The following DNM1 variants were observed in gnomAD, a reference collection of about 807,000 sequenced individuals.
DNM1 encodes dynamin 1, also known as dynamin-1.
In DNM1, 29 loss-of-function variants were observed where a neutral mutation model predicts 104.6. The observed-to-expected ratio is 0.28, with a 90% CI of 0.21 to 0.38. The LOEUF (loss-of-function observed/expected upper bound fraction) is 0.38, where lower values mean the gene tolerates loss of function less well. Among genes scored for constraint, DNM1 ranks in the 10% least tolerant of loss-of-function variants. The pLI is 1.00. For missense variants in DNM1, 640 were observed against 1,189.4 expected, an observed-to-expected ratio of 0.54 and a Z score of 6.79; for synonymous variants, 445 against 475.8, an observed-to-expected ratio of 0.94 and a Z score of 0.84.
rs183243253 is a variant in DNM1, at chr9:128,238,645, G to C, written c.1423-800G>C. ...ATCATGTTCTTGACTATTTTGATTT[G>C]TGATTTTCTTTTTTTTTTTTTTTCT... On this transcript the variant is annotated intron_variant, in intron 11 of 21. Transcript: ENST00000372923. Among the ~76,000 whole-genome samples, 438 of 149,780 alleles carry C rather than the reference G, an allele frequency of 2.9e-3. 2 individuals carry two copies. The highest frequency in any genetic ancestry group is 0.01 in the African/African-American group (422 of 40,566).
chr9:128,226,686 T>C (rs1462403649), intron 10 of DNM1, among the ~76,000 whole-genome samples: 1 of 152,196 alleles, frequency 6.6e-6, no homozygotes, highest in Non-Finnish European at 1.5e-5. Context: ...CCTGAAAGCA[T>C]ATTGGATTAC....
At chr9:128,213,701 G>T (rs368473163) in intron 1 of DNM1, among the ~76,000 whole-genome samples, 13 of 152,110 alleles carry the variant, frequency 8.5e-5, no homozygotes, top group Non-Finnish European at 1.2e-4. Flanking sequence ...CAATGAAGCC[G>T]ATGGTAGAGC....
intron 21 of DNM1, chr9:128,252,973 C>T (rs975001360): frequency 2.5e-5 from 21 of 841,614 alleles, no homozygotes; most frequent in Non-Finnish European, 3.8e-5. Context: ...TTAGCGTGTG[C>T]ATGTGGGCCA....
chr9:128,214,615 G>A (rs932601758), intron 1 of DNM1, among the ~76,000 whole-genome samples: 8 of 152,176 alleles, frequency 5.3e-5, no homozygotes, highest in South Asian at 2.1e-4. Flanking sequence ...CCCCTCTCAC[G>A]GTGACAACTC....
intron 14 of DNM1, among the ~76,000 whole-genome samples, chr9:128,241,909 C>T (rs1284155614): frequency 6.6e-6 from 1 of 152,212 alleles, no homozygotes; most frequent in Non-Finnish European, 1.5e-5. Context: ...TCGCAGTTGG[C>T]TTCCCCAATC....
Position 128,240,388 on chromosome 9 carries a change from A to G in DNM1, c.1557+392A>G. ...GAATGAGAAGTCAAGAGAAGTCAAG[A>G]AGTCACTGCTCACCTGGCCTCCTGC... is the stretch of plus-strand genomic sequence containing the variant. On this transcript the variant is annotated intron_variant, in intron 14 of 21. Transcript: ENST00000372923. The surrounding 1 kb of genome is among the most constrained non-coding windows in gnomAD (Gnocchi z 5.1). The G allele has an allele frequency of 4.2e-6, 1 of 235,908 alleles. No individual in the cohort carries two copies. Among genetic ancestry groups the G allele is most frequent in the South Asian group, 5.7e-5 (1 of 17,640 alleles). 14.6% of individuals were successfully genotyped at this position (235,908 alleles called of 1,614,324 possible).
chr9:128,227,979 G>T (rs1461187654), intron 10 of DNM1, among the ~76,000 whole-genome samples: 1 of 152,076 alleles, frequency 6.6e-6, no homozygotes, highest in Non-Finnish European at 1.5e-5. Context: ...CTCCCAAGTA[G>T]TGGGACTTCA....
chr9:128,240,338 C>T lies in DNM1; in HGVS notation c.1557+342C>T, dbSNP rs1261597918. On this transcript the variant is annotated intron_variant, in intron 14 of 21. Coordinates refer to ENST00000372923, the MANE Select transcript of DNM1 (RefSeq NM_004408.4). This position sits in a 1 kb window ranked among gnomAD's most constrained non-coding sequence, Gnocchi z 5.1. ...ACATTTTTAAGAAGCTGACAGCCAT[C>T]GCCTCCGGACTTGAATGAAGAGACG... The T allele has an allele frequency of 3.1e-6, 1 of 318,094 alleles. No homozygotes were observed. Among genetic ancestry groups the T allele is most frequent in the Non-Finnish European group, 5.9e-6 (1 of 169,044 alleles). 19.7% of individuals were successfully genotyped at this position (318,094 alleles called of 1,614,324 possible).
chr9:128,208,476 C>T (rs979771000), intron 1 of DNM1, among the ~76,000 whole-genome samples: 4 of 152,204 alleles, frequency 2.6e-5, no homozygotes, highest in African/African-American at 9.7e-5. Flanking sequence ...CACTATTAAG[C>T]TCTGTCTCTT....
rs534946634 is a variant in DNM1 at position 128,208,567 on chromosome 9, A to G, written c.161+4936A>G. On this transcript the variant is annotated intron_variant, in intron 1 of 21. Transcript: ENST00000372923. Reference sequence around the variant, plus strand: ...GAGGCCAAAGTCTATTAGGGGATAAATGAGACATCCTAGGCAGAGTATCGA... The same window carrying G: ...GAGGCCAAAGTCTATTAGGGGATAAGTGAGACATCCTAGGCAGAGTATCGA... 2.6e-5 allele frequency among the ~76,000 whole-genome samples: 4 copies of G among 152,296 alleles called. No individual in the cohort carries two copies. The East Asian group carries it at 7.7e-4, about 29-fold the overall frequency.
At chr9:128,227,761 G>A (rs895417808) in intron 10 of DNM1, among the ~76,000 whole-genome samples, 3 of 152,274 alleles carry the variant, frequency 2.0e-5, no homozygotes, top group Admixed American at 6.5e-5. Flanking sequence ...TCCTCTTGAC[G>A]GACATTTAAG....
rs948750402 is a variant in DNM1, at chr9:128,248,442, G to A, written c.1906-141G>A. The A allele has an allele frequency of 4.0e-5, 36 of 911,092 alleles. No individual in the cohort carries two copies. Among genetic ancestry groups the A allele is most frequent in the Non-Finnish European group, 5.8e-5 (36 of 617,148 alleles). 56.4% of individuals were successfully genotyped at this position (911,092 alleles called of 1,614,324 possible). A position where few individuals can be genotyped will look rare whatever the true frequency, so the allele number is the denominator to read the frequency against. On this transcript the variant is annotated intron_variant, in intron 18 of 21. Coordinates refer to ENST00000372923, the MANE Select transcript of DNM1 (RefSeq NM_004408.4). This position sits in a 1 kb window ranked among gnomAD's most constrained non-coding sequence, Gnocchi z 5.6. ...GGGTCCTGAGAGGCACAGGGATGCG[G>A]AGCCAGGTATGTATTCAGGCCAGTC...
rs1342050462 is a variant in DNM1 at position 128,222,906 on chromosome 9, G to A, written c.1196+46G>A. 1 of 1,583,860 alleles carries A rather than the reference G, an allele frequency of 6.3e-7. No homozygotes were observed. Among genetic ancestry groups the A allele is most frequent in the Non-Finnish European group, 8.7e-7 (1 of 1,153,964 alleles). On this transcript the variant is annotated intron_variant, in intron 9 of 21. Coordinates refer to ENST00000372923, the MANE Select transcript of DNM1 (RefSeq NM_004408.4). This position sits in a 1 kb window ranked among gnomAD's most constrained non-coding sequence, Gnocchi z 7.8. ...GGGTGGCTGAACCCCAGAAGTAGGGGGTCTGGGACAGAGGCACAGGGAGTG... is the reference window on the plus strand; with the variant it reads ...GGGTGGCTGAACCCCAGAAGTAGGGAGTCTGGGACAGAGGCACAGGGAGTG...
chr9:128,213,460 T>C (rs149218233), intron 1 of DNM1, among the ~76,000 whole-genome samples: 2 of 72,360 alleles, frequency 2.8e-5, no homozygotes, highest in African/African-American at 1.1e-4. Flanking sequence ...CTTTTGAAAA[T>C]ACAAAGTCAT....
chr9:128,250,133 T>G lies in DNM1; in HGVS notation c.2095T>G (p.Ser699Ala), dbSNP rs1206547469. The G allele has an allele frequency of 1.2e-6, 2 of 1,614,130 alleles. No individual in the cohort carries two copies. Among genetic ancestry groups the G allele is most frequent in the Admixed American group, 3.3e-5 (2 of 60,028 alleles). The stretch of plus-strand genomic sequence containing the variant: ...CTCGCAGACCAAGGAGTTCATCTTC[T>G]CGGAGCTGCTGGCCAACCTGTACTC... ...MINNTKEFIF[S>A]ELLANLYSCG... The change falls in exon 20 of 22, where the codon TCG becomes GCG. Residue 699 changes from serine (S) to alanine (A), a missense_variant. Ser to Ala is a moderately conservative substitution (Grantham distance 99, BLOSUM62 1). Transcript: ENST00000372923.
rs780574379 is a variant in DNM1, at chr9:128,239,822, C to T, written c.1545+43C>T. 3.6e-5 allele frequency: 58 copies of T among 1,593,740 alleles called. 1 individual carries two copies. The highest frequency in any genetic ancestry group is 1.9e-4 in the South Asian group (17 of 90,228). On this transcript the variant is annotated intron_variant, in intron 13 of 21. Coordinates refer to ENST00000372923, the MANE Select transcript of DNM1 (RefSeq NM_004408.4). ...CCCCAGCCCGAGGGATGGAGGGTGC[C>T]GGACGGACACCAGACTCTGAGAGCC...
At chr9:128,238,924 G>A (rs1220205726) in intron 11 of DNM1, among the ~76,000 whole-genome samples, 2 of 151,974 alleles carry the variant, frequency 1.3e-5, no homozygotes, top group Non-Finnish European at 2.9e-5. Flanking sequence ...CAAAGTGCTG[G>A]GATTACAGGC....
rs559572430 is a variant in DNM1, at chr9:128,222,229, G to A, written c.882G>A (p.Pro294=). 1.7e-5 allele frequency: 28 copies of A among 1,614,076 alleles called. No homozygotes were observed. The South Asian group carries it at 1.9e-4, about 11-fold the overall frequency. ...QLTNHIRDTL[P]GLRNKLQSQL... is the part of the protein sequence containing the mutation. ...CGAACCACATCCGGGACACACTGCC[G>A]GGGCTGCGGAACAAGCTGCAGAGCC... Residue 294 remains proline, a synonymous_variant, in exon 7 of 22, where the codon CCG becomes CCA. Transcript: ENST00000372923. This position sits in a 1 kb window ranked among gnomAD's most constrained non-coding sequence, Gnocchi z 7.8.
In DNM1 at chr9:128,248,500, C is replaced by T; in HGVS notation, c.1906-83C>T. The stretch of plus-strand genomic sequence containing the variant: ...TCTGTGCCTCAATATTCTGGGTACC[C>T]TTGGAGGGGCTGAGATCCTGGGGAT... On this transcript the variant is annotated intron_variant, in intron 18 of 21. Coordinates refer to ENST00000372923, the MANE Select transcript of DNM1 (RefSeq NM_004408.4). The surrounding 1 kb of genome is among the most constrained non-coding windows in gnomAD (Gnocchi z 5.6). 2.0e-6 allele frequency: 3 copies of T among 1,531,450 alleles called. No individual in the cohort carries two copies. Among genetic ancestry groups the T allele is most frequent in the Non-Finnish European group, 2.7e-6 (3 of 1,123,226 alleles). 94.9% of individuals were successfully genotyped at this position (1,531,450 alleles called of 1,614,324 possible).
Sources: gnomAD v4.1 joint callset for allele counts (sites outside exome capture counted in the v4.1 genomes callset) on GRCh38, gnomAD v4.1.1 for gene constraint, Gnocchi (gnomAD v3.1) non-coding constraint, MANE v1.5 for transcripts, NCBI Gene and HGNC (gene_info 2026-07-23, HGNC 2026-07-21) for gene names.